STX6: variants seen among roughly 807,000 people sequenced by gnomAD.
The protein encoded by STX6 is syntaxin 6.
A neutral mutation model predicts 38.0 loss-of-function variants in STX6; 23 were observed. That is an observed-to-expected ratio of 0.60 (90% CI 0.43 to 0.86). STX6 has a LOEUF of 0.86. STX6 is among the 40% of genes least tolerant of loss of function. The probability of loss-of-function intolerance (pLI) is 0.00; values close to 1 mark genes in which losing one functional copy is unlikely to be tolerated. For missense variants in STX6, 274 were observed against 312.9 expected (o/e 0.88, Z 0.94); for synonymous variants, 123 against 107.5 (o/e 1.14, Z -0.89).
At chr1:181,000,342 G>C (rs977286166) in intron 3 of STX6, among the ~76,000 whole-genome samples, 2 of 152,222 alleles carry the variant, frequency 1.3e-5, no homozygotes, top group African/African-American at 4.8e-5. Flanking sequence ...TTGACTCACA[G>C]TTCAGCATGG....
At chr1:181,000,204 C>T (rs1164403654) in intron 3 of STX6, among the ~76,000 whole-genome samples, 1 of 152,184 alleles carries the variant, frequency 6.6e-6, no homozygotes, top group African/African-American at 2.4e-5. Context: ...TGGTTTAGAT[C>T]TCAACTCTAA....
At chr1:181,009,059 A>G (rs908489174) in intron 1 of STX6, among the ~76,000 whole-genome samples, 3 of 152,184 alleles carry the variant, frequency 2.0e-5, no homozygotes, top group Admixed American at 2.0e-4. Flanking sequence ...CCATTTTGCC[A>G]GTGGAATATT....
At chr1:180,984,063 CAAAAAAAAAAAAAAAAAA>C (rs10625558) in intron 7 of STX6, among the ~76,000 whole-genome samples, 1 of 7,166 alleles carries the variant, frequency 1.4e-4, no homozygotes, top group Non-Finnish European at 2.6e-4. Context: ...GGCTCCATCT[CAAAAAAAAAAAAAAAAAA>C]AAAAAAAAAC....
rs1655191953 is a variant in STX6 at position 180,974,230 on chromosome 1, C to T, written c.*2340G>A. The T allele has an allele frequency of 1.3e-5, 2 of 152,214 alleles. No homozygotes were observed. The highest frequency in any genetic ancestry group is 2.9e-5 in the Non-Finnish European group (2 of 68,042). 9.4% of individuals were successfully genotyped at this position (152,214 alleles called of 1,614,324 possible). ...CCAGTCAGGGTGCAATGGGATCAGA[C>T]ACAGGATCAAATCAGCCAGGGGCAG... On this transcript the variant is annotated 3_prime_UTR_variant, in exon 8 of 8. Coordinates refer to ENST00000258301, the MANE Select transcript of STX6 (RefSeq NM_005819.6).
intron 1 of STX6, among the ~76,000 whole-genome samples, chr1:181,018,474 A>ATT (rs1656631023): frequency 1.3e-5 from 2 of 149,140 alleles, no homozygotes; most frequent in South Asian, 4.2e-4. Context: ...AAATGACCAT[A>ATT]TTATATATAT....
At chr1:180,994,443 T>C (rs1017434963) in intron 3 of STX6, among the ~76,000 whole-genome samples, 2 of 152,226 alleles carry the variant, frequency 1.3e-5, no homozygotes, top group Non-Finnish European at 2.9e-5. Flanking sequence ...CAGTGAATGA[T>C]ACTAGCTAGG....
chr1:181,022,399 G>A (rs919053792), intron 1 of STX6, among the ~76,000 whole-genome samples: 2 of 152,140 alleles, frequency 1.3e-5, no homozygotes, highest in Admixed American at 6.5e-5. Context: ...CAGCACACAG[G>A]CCAAAAAGGG....
rs150339091 is a variant in STX6 at position 180,990,103 on chromosome 1, G to T, written c.370C>A (p.Leu124Met). 88 of 1,614,134 alleles carry T rather than the reference G, an allele frequency of 5.5e-5. No individual in the cohort carries two copies. The highest frequency in any genetic ancestry group is 3.3e-4 in the Middle Eastern group (2 of 6,062). ...LAERKNRQAL[L>M]GDSGSQNWST... ...CAGTTCTGGCTGCCACTGTCTCCCA[G>T]CAGTGCCTGTGTGAGAAGAACAACC... The change falls in exon 5 of 8, where the codon CTG becomes ATG. Residue 124 changes from leucine (L) to methionine (M), a missense_variant. Coordinates refer to ENST00000258301, the MANE Select transcript of STX6 (RefSeq NM_005819.6).
rs189944112 is a variant in STX6, at chr1:180,980,080, G to A, written c.692-3434C>T. On this transcript the variant is annotated intron_variant, in intron 7 of 7. Transcript: ENST00000258301. ...AAATTAGCTGGGCGTGGTGGCGCAG[G>A]CCTGTAATCCCAGCTACTTGAAAGG... is the stretch of plus-strand genomic sequence containing the variant. Among the ~76,000 whole-genome samples the A allele has an allele frequency of 1.5e-3, 223 of 152,078 alleles. 1 individual carries two copies. The highest frequency in any genetic ancestry group is 2.8e-3 in the Non-Finnish European group (189 of 67,982).
chr1:181,018,900 T>C (rs570213624), intron 1 of STX6, among the ~76,000 whole-genome samples: 1 of 152,346 alleles, frequency 6.6e-6, no homozygotes, highest in East Asian at 1.9e-4. Flanking sequence ...GACCCTATTT[T>C]ACCTGCACTG....
At chr1:180,985,144 G>GA (rs34435062) in intron 6 of STX6, among the ~76,000 whole-genome samples, 17 of 150,328 alleles carry the variant, frequency 1.1e-4, no homozygotes, top group East Asian at 2.0e-4. Context: ...CAAATTTAAA[G>GA]AAAAAAAAAA....
chr1:181,014,813 A>G (rs1452323443), intron 1 of STX6, among the ~76,000 whole-genome samples: 1 of 152,188 alleles, frequency 6.6e-6, no homozygotes, highest in African/African-American at 2.4e-5. Context: ...CTTTATTGCC[A>G]TTTCCAAATT....
rs557180248 is a variant in STX6 at position 180,984,750 on chromosome 1, G to A, written c.618C>T (p.His206=). The change falls in exon 7 of 8, where the codon CAC becomes CAT. Residue 206 remains histidine, a synonymous_variant. Coordinates refer to ENST00000258301, the MANE Select transcript of STX6 (RefSeq NM_005819.6). ...GCCGGGACTGAGTGCTCTCCAATTCGTGAGAGAAATCTTCCAACATACTAG... is the reference window on the plus strand; with the variant it reads ...GCCGGGACTGAGTGCTCTCCAATTCATGAGAGAAATCTTCCAACATACTAG... ...EQAVMLEDFS[H]ELESTQSRLD... The A allele has an allele frequency of 1.8e-5, 29 of 1,585,782 alleles. No homozygotes were observed. The Admixed American group carries it at 2.0e-4, about 11-fold the overall frequency.
intron 3 of STX6, among the ~76,000 whole-genome samples, chr1:180,997,262 G>C (rs562224072): frequency 1.4e-4 from 22 of 152,304 alleles, no homozygotes; most frequent in Middle Eastern, 3.4e-3. Context: ...ATAAACGTAT[G>C]CAACTATTAA....
chr1:181,011,633 A>G (rs1254095370), intron 1 of STX6, among the ~76,000 whole-genome samples: 1 of 152,256 alleles, frequency 6.6e-6, no homozygotes, highest in Admixed American at 6.5e-5. Context: ...AAGTAAGTCA[A>G]TTCATAAAAC....
Position 180,973,141 on chromosome 1 carries a change from CA to C in STX6, c.*3428del, listed in dbSNP as rs1655165721. On this transcript the variant is annotated 3_prime_UTR_variant, in exon 8 of 8. Coordinates refer to ENST00000258301, the MANE Select transcript of STX6 (RefSeq NM_005819.6). ...GAAAAAAATGCCAGTGAGAGGAAGA[CA>C]AAGAAAAATTAGAGGCAGTACATTC... The C allele has an allele frequency of 6.6e-6, 1 of 152,568 alleles. No homozygotes were observed. 9.5% of individuals were successfully genotyped at this position (152,568 alleles called of 1,614,324 possible). A position where few individuals can be genotyped will look rare whatever the true frequency, so the allele number is the denominator to read the frequency against.
chr1:181,014,390 T>C (rs1319493647), intron 1 of STX6, among the ~76,000 whole-genome samples: 1 of 83,488 alleles, frequency 1.2e-5, no homozygotes, highest in Non-Finnish European at 2.4e-5. Context: ...CAAGACTCCA[T>C]CTCAAAAAAA....
intron 7 of STX6, among the ~76,000 whole-genome samples, chr1:180,981,431 A>G (rs1376447247): frequency 2.0e-5 from 3 of 152,226 alleles, no homozygotes; most frequent in African/African-American, 4.8e-5. Flanking sequence ...TTTCAGGACA[A>G]AAACGGAGAA....
At chr1:180,993,534 G>T in intron 3 of STX6, 109 bp from the exon 4 acceptor site, 1 of 564,278 alleles carries the variant, frequency 1.8e-6, no homozygotes, top group East Asian at 3.0e-5. Context: ...TTTTTAAAAA[G>T]AAGACCGCAT....
Sources: gnomAD v4.1 joint callset for allele counts (sites outside exome capture counted in the v4.1 genomes callset) on GRCh38, gnomAD v4.1.1 for gene constraint, MANE v1.5 for transcripts, NCBI Gene and HGNC (gene_info 2026-07-23, HGNC 2026-07-21) for gene names.